GPM6A: variants seen among roughly 807,000 people sequenced by gnomAD.
GPM6A encodes the protein glycoprotein M6A.
Under a neutral mutation model 32.1 loss-of-function variants are expected in GPM6A, and 7 were observed. That is an observed-to-expected ratio of 0.22 (90% CI 0.12 to 0.41). The LOEUF (loss-of-function observed/expected upper bound fraction) is 0.41, where lower values mean the gene tolerates loss of function less well. Ranked by LOEUF, GPM6A falls within the 10% of genes least tolerant of loss-of-function variation. The pLI is 1.00. For missense variants in GPM6A, 235 were observed against 347.2 expected (o/e 0.68, Z 2.57); for synonymous variants, 130 against 123.4 (o/e 1.05, Z -0.35).
intron 1 of GPM6A, among the ~76,000 whole-genome samples, chr4:175,746,348 C>T (rs1343151837): frequency 6.6e-6 from 1 of 152,158 alleles, no homozygotes; most frequent in Non-Finnish European, 1.5e-5. Flanking sequence ...AAAGTATTAA[C>T]AGTTATGATG....
intron 1 of GPM6A, among the ~76,000 whole-genome samples, chr4:175,773,799 A>C (rs1238825583): frequency 6.6e-6 from 1 of 152,194 alleles, no homozygotes; most frequent in Admixed American, 6.5e-5. Context: ...TCTCCAGACA[A>C]AAGGCTTGCC....
intron 3 of GPM6A, among the ~76,000 whole-genome samples, chr4:175,652,300 T>G (rs1741855182): frequency 6.6e-6 from 1 of 152,182 alleles, no homozygotes; most frequent in Non-Finnish European, 1.5e-5. Flanking sequence ...TTTTTAAACT[T>G]TAGAAAATAT....
chr4:175,814,427 C>G (rs1460859949), upstream of GPM6A, among the ~76,000 whole-genome samples: 3 of 152,198 alleles, frequency 2.0e-5, no homozygotes, highest in African/African-American at 7.2e-5. Context: ...CCTTCCTACT[C>G]TGTTCCTTTA....
intron 1 of GPM6A, among the ~76,000 whole-genome samples, chr4:175,743,950 C>CT (rs1197009590): frequency 7.1e-6 from 1 of 140,308 alleles, no homozygotes; most frequent in Non-Finnish European, 1.6e-5. Flanking sequence ...ACATCAATAT[C>CT]TAATAGGACA....
At chr4:175,667,053 T>G (rs1742792514) in intron 3 of GPM6A, among the ~76,000 whole-genome samples, 1 of 152,218 alleles carries the variant, frequency 6.6e-6, no homozygotes, top group African/African-American at 2.4e-5. Context: ...AGTTAGAAAC[T>G]TCAAGGTTTT....
intron 1 of GPM6A, among the ~76,000 whole-genome samples, chr4:175,750,783 G>A (rs911831041): frequency 6.6e-6 from 1 of 151,794 alleles, no homozygotes; most frequent in Non-Finnish European, 1.5e-5. Context: ...CATGTTGGCC[G>A]GGCTGGTCTC....
intron 4 of GPM6A, among the ~76,000 whole-genome samples, chr4:175,645,336 G>A (rs969218155): frequency 1.3e-5 from 2 of 152,124 alleles, no homozygotes; most frequent in Non-Finnish European, 1.5e-5. Context: ...GTGTGTACAC[G>A]GTTCCTATGA....
chr4:175,838,521 T>G (rs1735841809), intron 1 of GPM6A, among the ~76,000 whole-genome samples: 2 of 151,652 alleles, frequency 1.3e-5, no homozygotes, highest in African/African-American at 4.8e-5. Flanking sequence ...AAAGCAGTAC[T>G]GAATATAAAC....
At chr4:175,863,456 G>A (rs760742371) in intron 1 of GPM6A, among the ~76,000 whole-genome samples, 14 of 151,548 alleles carry the variant, frequency 9.2e-5, no homozygotes, top group South Asian at 2.1e-4. Flanking sequence ...GAACTAATAC[G>A]CCACAATATG....
chr4:175,662,324 G>C (rs576860344), intron 3 of GPM6A, among the ~76,000 whole-genome samples: 43 of 152,206 alleles, frequency 2.8e-4, no homozygotes, highest in African/African-American at 9.1e-4. Context: ...GCTAGGCCAG[G>C]CTCGGTGGCT....
chr4:175,648,428 T>C (rs1741598450), intron 4 of GPM6A, among the ~76,000 whole-genome samples: 1 of 152,188 alleles, frequency 6.6e-6, no homozygotes, highest in Non-Finnish European at 1.5e-5. Flanking sequence ...GAAAATGGAC[T>C]GCCATCATGA....
chr4:175,670,800 CATTCATTAAGTAAAGGGAATATTG>C (rs1316367457), intron 3 of GPM6A, among the ~76,000 whole-genome samples: 1 of 151,120 alleles, frequency 6.6e-6, no homozygotes, highest in African/African-American at 2.4e-5. Context: ...CTTTCAAAGG[CATTCATTAAGTAAAGGGAATATTG>C]ATTATCACTC....
intron 3 of GPM6A, among the ~76,000 whole-genome samples, chr4:175,653,382 TATCTC>T (rs1473164674): frequency 2.6e-5 from 4 of 152,262 alleles, no homozygotes; most frequent in Admixed American, 6.5e-5. Flanking sequence ...AATATTGTTT[TATCTC>T]ATCTCAACTC....
intron 4 of GPM6A, among the ~76,000 whole-genome samples, chr4:175,648,348 T>A (rs1553968845): frequency 6.6e-6 from 1 of 152,176 alleles, no homozygotes; most frequent in Non-Finnish European, 1.5e-5. Context: ...GTACCTGTGT[T>A]GGAGTAAGCC....
intron 1 of GPM6A, among the ~76,000 whole-genome samples, chr4:175,987,012 T>C (rs1168785307): frequency 3.3e-5 from 5 of 152,208 alleles, no homozygotes; most frequent in Admixed American, 2.6e-4. Flanking sequence ...CTCTAGCCTG[T>C]CTCTGAATCC....
At chr4:175,712,000 G>T (rs1355723607) in intron 1 of GPM6A, among the ~76,000 whole-genome samples, 2 of 151,976 alleles carry the variant, frequency 1.3e-5, no homozygotes, top group Non-Finnish European at 2.9e-5. Context: ...TATAGCAGAA[G>T]TTTACATTTT....
At chr4:175,895,695 A>G (rs1348605555) in intron 1 of GPM6A, among the ~76,000 whole-genome samples, 1 of 152,226 alleles carries the variant, frequency 6.6e-6, no homozygotes, top group Admixed American at 6.5e-5. Flanking sequence ...TCAATGTCAC[A>G]AGTACTTAAT....
intron 1 of GPM6A, among the ~76,000 whole-genome samples, chr4:175,933,796 G>A (rs1435435522): frequency 2.0e-5 from 3 of 151,936 alleles, no homozygotes; most frequent in Non-Finnish European, 1.5e-5. Context: ...CGCCCTCCTC[G>A]GCCTCCCAAA....
chr4:175,959,923 T>C (rs1740113375), intron 1 of GPM6A, among the ~76,000 whole-genome samples: 1 of 152,224 alleles, frequency 6.6e-6, no homozygotes, highest in Non-Finnish European at 1.5e-5. Context: ...GACATTGTTC[T>C]AAGCAATTTA....
Sources: gnomAD v4.1 joint callset for allele counts (sites outside exome capture counted in the v4.1 genomes callset) on GRCh38, gnomAD v4.1.1 for gene constraint, MANE v1.5 for transcripts, NCBI Gene and HGNC (gene_info 2026-07-23, HGNC 2026-07-21) for gene names.